EPHA5: variants seen among roughly 807,000 people sequenced by gnomAD.
EPHA5 encodes the protein ephrin type-A receptor 5.
Under a neutral mutation model 105.0 loss-of-function variants are expected in EPHA5, and 60 were observed. The observed-to-expected ratio is 0.57, with a 90% CI of 0.46 to 0.71. The LOEUF (loss-of-function observed/expected upper bound fraction) is 0.71, where lower values mean the gene tolerates loss of function less well. EPHA5 is among the 30% of genes least tolerant of loss of function. The pLI is 0.00. For synonymous variants in EPHA5, 513 were observed against 449.1 expected, an observed-to-expected ratio of 1.14 and a Z score of -1.80; for missense variants, 1,218 against 1,274.7, an observed-to-expected ratio of 0.96 and a Z score of 0.68.
At chr4:65,466,069 G>A (rs932262691) in intron 5 of EPHA5, among the ~76,000 whole-genome samples, 6 of 152,204 alleles carry the variant, frequency 3.9e-5, no homozygotes, top group African/African-American at 7.2e-5. Context: ...CAAGAATATC[G>A]TTAAATGGGA....
intron 8 of EPHA5, among the ~76,000 whole-genome samples, chr4:65,371,446 G>C (rs1718461838): frequency 6.6e-6 from 1 of 151,942 alleles, no homozygotes; most frequent in Admixed American, 6.6e-5. Flanking sequence ...ATACATTTCT[G>C]ATACTATTAA....
chr4:65,448,781 G>C (rs893633254), intron 5 of EPHA5, among the ~76,000 whole-genome samples: 3 of 152,228 alleles, frequency 2.0e-5, no homozygotes, highest in African/African-American at 7.2e-5. Context: ...TTACAGAGGT[G>C]TCATTACTCA....
chr4:65,656,117 CTGCTGCTGCTGCTT>C (rs1749031629), intron 1 of EPHA5, among the ~76,000 whole-genome samples: 1 of 117,662 alleles, frequency 8.5e-6, no homozygotes, highest in Non-Finnish European at 1.7e-5. Context: ...TTTGAACTTG[CTGCTGCTGCTGCTT>C]AAAAAAAAAA....
chr4:65,575,141 G>T lies in EPHA5; in HGVS notation c.910+26500C>A, dbSNP rs181744566. On this transcript the variant is annotated intron_variant, in intron 3 of 16. Transcript: ENST00000613740. ...ATGACAGCAATCAACAGAAAGAATA[G>T]ACAAACTGGAATGAGTGAGCAGATC... 3.9e-5 allele frequency among the ~76,000 whole-genome samples: 6 copies of T among 152,054 alleles called. No homozygotes were observed. In the East Asian group the frequency reaches 1.2e-3, roughly 29 times the overall value.
At chr4:65,409,266 A>G (rs10019268) in intron 7 of EPHA5, among the ~76,000 whole-genome samples, 4,655 of 123,490 alleles carry the variant, frequency 0.038, 153 homozygotes, top group African/African-American at 0.082. Context: ...GGTGCAGCGC[A>G]CCAGCATGGC....
intron 8 of EPHA5, among the ~76,000 whole-genome samples, chr4:65,390,631 C>T (rs1720620470): frequency 6.6e-6 from 1 of 151,966 alleles, no homozygotes; most frequent in Admixed American, 6.6e-5. Context: ...GATTCCAGTG[C>T]CGAATCTTGC....
chr4:65,640,472 GA>G lies in EPHA5; in HGVS notation c.246+2890del, dbSNP rs1207378037. Among the ~76,000 whole-genome samples, 4 of 151,842 alleles carry G rather than the reference GA, an allele frequency of 2.6e-5. No individual in the cohort carries two copies. The South Asian group carries it at 8.3e-4, about 32-fold the overall frequency. ...AGCTAATTTTTATGTATTTTTAGTAGAGACAGGGTGTCCCCGTGTTAGCCAG... is the reference window on the plus strand; with the variant it reads ...AGCTAATTTTTATGTATTTTTAGTAGGACAGGGTGTCCCCGTGTTAGCCAG... On this transcript the variant is annotated intron_variant, in intron 2 of 16. Coordinates refer to ENST00000613740, the MANE Select transcript of EPHA5 (RefSeq NM_001281766.3).
At chr4:65,629,556 G>T (rs575956040) in intron 2 of EPHA5, among the ~76,000 whole-genome samples, 2 of 152,062 alleles carry the variant, frequency 1.3e-5, no homozygotes, top group Admixed American at 6.6e-5. Flanking sequence ...CTGTAACAAC[G>T]CATTTTTCTC....
chr4:65,477,374 C>A (rs929408104), intron 5 of EPHA5, among the ~76,000 whole-genome samples: 1 of 151,964 alleles, frequency 6.6e-6, no homozygotes, highest in Admixed American at 6.6e-5. Context: ...GATCTGTGAC[C>A]TTGGGGGAAT....
At chr4:65,340,428 T>A (rs1721600322) in intron 14 of EPHA5, among the ~76,000 whole-genome samples, 1 of 152,134 alleles carries the variant, frequency 6.6e-6, no homozygotes, top group Non-Finnish European at 1.5e-5. Context: ...ATGGCAAGGA[T>A]AACTGATACA....
At chr4:65,395,578 T>C (rs10517936) in intron 8 of EPHA5, among the ~76,000 whole-genome samples, 11,849 of 152,244 alleles carry the variant, frequency 0.078, 764 homozygotes, top group African/African-American at 0.17. Flanking sequence ...TAGCCTCTGT[T>C]ATAGTATTGG....
At chr4:65,472,591 C>T (rs895252948) in intron 5 of EPHA5, among the ~76,000 whole-genome samples, 7 of 152,206 alleles carry the variant, frequency 4.6e-5, no homozygotes, top group East Asian at 3.9e-4. Flanking sequence ...ACGTGGAAGC[C>T]GCTAAGGCTT....
At chr4:65,443,905 C>CTGTGTGTGTGTGTG (rs57129731) in intron 5 of EPHA5, among the ~76,000 whole-genome samples, 16 of 150,046 alleles carry the variant, frequency 1.1e-4, no homozygotes, top group African/African-American at 3.7e-4. Flanking sequence ...GTTTGTGTGC[C>CTGTGTGTGTGTGTG]TGTGTGTGTG....
chr4:65,354,804 T>C (rs914304542), intron 11 of EPHA5, among the ~76,000 whole-genome samples: 10 of 151,836 alleles, frequency 6.6e-5, no homozygotes, highest in African/African-American at 2.2e-4. Flanking sequence ...TTTAGTCCCA[T>C]ATCACTTAAA....
Position 65,670,422 on chromosome 4 carries a change from AGCAGGC to A in EPHA5, c.-686_-681del. On this transcript the variant is annotated 5_prime_UTR_variant, in exon 1 of 17. Coordinates refer to ENST00000613740, the MANE Select transcript of EPHA5 (RefSeq NM_001281766.3). ...CTGCTGCGGTTCCCGCTGCTCGGGG[AGCAGGC>A]GGTGTGTGCGCGGCTGCGAAGTCGA... 8.6e-6 allele frequency: 2 copies of A among 233,460 alleles called. No homozygotes were observed. The highest frequency in any genetic ancestry group is 1.7e-5 in the Non-Finnish European group (2 of 118,262). The allele number at this position is 233,460 out of a possible 1,614,324, so 14.5% of individuals were successfully genotyped here. A position where few individuals can be genotyped will look rare whatever the true frequency, so the allele number is the denominator to read the frequency against.
intron 12 of EPHA5, 80 bp downstream of exon 12, chr4:65,352,962 C>A: frequency 2.1e-6 from 2 of 952,976 alleles, no homozygotes; most frequent in Non-Finnish European, 1.5e-6. Context: ...TCAACTTCAA[C>A]ATCACAGCAT....
chr4:65,662,968 A>C (rs1749676509), intron 1 of EPHA5, among the ~76,000 whole-genome samples: 1 of 152,148 alleles, frequency 6.6e-6, no homozygotes, highest in Non-Finnish European at 1.5e-5. Flanking sequence ...AGAGACACAG[A>C]GGAAAGAAGG....
intron 1 of EPHA5, among the ~76,000 whole-genome samples, chr4:65,651,251 T>A (rs1748583679): frequency 6.6e-6 from 1 of 152,152 alleles, no homozygotes. Context: ...TGGTTCCAAA[T>A]TATATCATAG....
At chr4:65,539,625 AG>A (rs1736627616) in intron 3 of EPHA5, among the ~76,000 whole-genome samples, 1 of 151,672 alleles carries the variant, frequency 6.6e-6, no homozygotes, top group African/African-American at 2.4e-5. Context: ...CCTCACTCAA[AG>A]AAACTTTCAA....
Sources: gnomAD v4.1 joint callset for allele counts (sites outside exome capture counted in the v4.1 genomes callset) on GRCh38, gnomAD v4.1.1 for gene constraint, MANE v1.5 for transcripts, NCBI Gene and HGNC (gene_info 2026-07-23, HGNC 2026-07-21) for gene names.